The following AP3B1 variants were observed in gnomAD, a reference collection of about 807,000 sequenced individuals.
AP3B1 encodes the protein AP-3 complex subunit beta-1.
In AP3B1, 61 loss-of-function variants were observed where a neutral mutation model predicts 132.5. That is an observed-to-expected ratio of 0.46 (90% CI 0.37 to 0.57). The LOEUF is 0.57. Among genes scored for constraint, AP3B1 ranks in the 20% least tolerant of loss-of-function variants. AP3B1 has a pLI of 0.00. For missense variants in AP3B1, 1,120 were observed against 1,289.4 expected (o/e 0.87, Z 2.01); for synonymous variants, 388 against 438.3 (o/e 0.89, Z 1.43).
intron 11 of AP3B1, among the ~76,000 whole-genome samples, chr5:78,168,746 C>T (rs2112385617): frequency 6.6e-6 from 1 of 152,278 alleles, no homozygotes; most frequent in Non-Finnish European, 1.5e-5. Flanking sequence ...ATTACTTTCA[C>T]ACAATTGTCA....
intron 26 of AP3B1, among the ~76,000 whole-genome samples, chr5:78,005,009 T>C (rs1041490722): frequency 1.3e-5 from 2 of 152,196 alleles, no homozygotes; most frequent in Non-Finnish European, 2.9e-5. Flanking sequence ...GGTTTATGCA[T>C]TTCTTTTGTC....
intron 25 of AP3B1, among the ~76,000 whole-genome samples, chr5:78,019,696 T>G (rs79278934): frequency 6.6e-6 from 1 of 152,182 alleles, no homozygotes; most frequent in African/African-American, 2.4e-5. Flanking sequence ...TATTAATTTA[T>G]GGACTTGTAT....
intron 6 of AP3B1, among the ~76,000 whole-genome samples, chr5:78,221,106 G>A (rs923106965): frequency 7.2e-5 from 11 of 152,124 alleles, no homozygotes; most frequent in African/African-American, 1.9e-4. Context: ...AACATATCTC[G>A]AAATAGTTTG....
chr5:78,156,496 G>C (rs936918379), intron 13 of AP3B1, 129 bp from the exon 14 acceptor site: 1 of 722,206 alleles, frequency 1.4e-6, no homozygotes, highest in South Asian at 1.8e-5. Flanking sequence ...CTATGTGAAA[G>C]CATAACCATG....
intron 7 of AP3B1, among the ~76,000 whole-genome samples, chr5:78,185,833 G>A (rs1744582963): frequency 6.6e-6 from 1 of 152,114 alleles, no homozygotes; most frequent in South Asian, 2.1e-4. Context: ...TCAAGCCACT[G>A]TGCTCCAGCC....
At chr5:78,028,567 G>C (rs1165581324) in intron 24 of AP3B1, among the ~76,000 whole-genome samples, 1 of 152,162 alleles carries the variant, frequency 6.6e-6, no homozygotes. Context: ...ATAGTGTGGT[G>C]AGCAGACATC....
At chr5:78,280,599 T>G (rs1380361574) in intron 1 of AP3B1, among the ~76,000 whole-genome samples, 1 of 152,186 alleles carries the variant, frequency 6.6e-6, no homozygotes, top group Non-Finnish European at 1.5e-5. Context: ...TCATAAACTA[T>G]AGTAGAGGAA....
intron 14 of AP3B1, among the ~76,000 whole-genome samples, chr5:78,152,131 C>G (rs1413472392): frequency 8.4e-6 from 1 of 119,678 alleles, no homozygotes; most frequent in Non-Finnish European, 1.8e-5. Context: ...CTCCCTCTCC[C>G]TTCCCTTCCT....
chr5:78,287,472 T>A (rs895701722), intron 1 of AP3B1, among the ~76,000 whole-genome samples: 1 of 152,152 alleles, frequency 6.6e-6, no homozygotes, highest in Non-Finnish European at 1.5e-5. Context: ...TGTAGTAAAA[T>A]CTTATTTAAT....
chr5:78,024,039 G>T (rs1421288883), intron 24 of AP3B1, among the ~76,000 whole-genome samples: 1 of 152,130 alleles, frequency 6.6e-6, no homozygotes, highest in Non-Finnish European at 1.5e-5. Context: ...GAGGTGAGCG[G>T]GTTAGCTCTA....
At chr5:78,031,922 T>G (rs920995687) in intron 24 of AP3B1, among the ~76,000 whole-genome samples, 1 of 152,210 alleles carries the variant, frequency 6.6e-6, no homozygotes, top group East Asian at 1.9e-4. Context: ...CACTAAGCTG[T>G]GTGACTTCCC....
intron 1 of AP3B1, among the ~76,000 whole-genome samples, chr5:78,279,678 G>A (rs1176662447): frequency 6.6e-6 from 1 of 151,576 alleles, no homozygotes; most frequent in Admixed American, 6.6e-5. Flanking sequence ...GGATGCGGAG[G>A]CAGGAAGATC....
Position 78,110,435 on chromosome 5 carries a change from C to T in AP3B1, c.2250-81G>A, listed in dbSNP as rs1438992776. 6 of 1,046,200 alleles carry T rather than the reference C, an allele frequency of 5.7e-6. No individual in the cohort carries two copies. In the African/African-American group the frequency reaches 9.7e-5, roughly 17 times the overall value. The allele number at this position is 1,046,200 out of a possible 1,614,324, so 64.8% of individuals were successfully genotyped here. A position where few individuals can be genotyped will look rare whatever the true frequency, so the allele number is the denominator to read the frequency against. ...TTATAAAAAAATTGTTTTTAAATTCCAGAATACATTAATGAGGTAATAAAA... is the reference window on the plus strand; with the variant it reads ...TTATAAAAAAATTGTTTTTAAATTCTAGAATACATTAATGAGGTAATAAAA... On this transcript the variant is annotated intron_variant, in intron 19 of 26. Transcript: ENST00000255194.
chr5:78,242,094 CAT>C (rs1463648478), intron 2 of AP3B1, among the ~76,000 whole-genome samples: 2 of 152,220 alleles, frequency 1.3e-5, no homozygotes, highest in Non-Finnish European at 2.9e-5. Flanking sequence ...CTACTTTGCA[CAT>C]GTCAGCCCCC....
chr5:78,269,920 G>C (rs1450217838), intron 1 of AP3B1, among the ~76,000 whole-genome samples: 2 of 151,636 alleles, frequency 1.3e-5, no homozygotes, highest in Non-Finnish European at 2.9e-5. Flanking sequence ...TTGTTTGTTT[G>C]TTCTTTCTTT....
At chr5:78,202,751 TAACA>T (rs1240757920) in intron 7 of AP3B1, among the ~76,000 whole-genome samples, 2 of 152,218 alleles carry the variant, frequency 1.3e-5, no homozygotes, top group African/African-American at 4.8e-5. Context: ...TGTGTGTTAC[TAACA>T]TACATGCAAT....
At chr5:78,098,800 G>C (rs1211749511) in intron 21 of AP3B1, among the ~76,000 whole-genome samples, 6 of 152,194 alleles carry the variant, frequency 3.9e-5, no homozygotes, top group Non-Finnish European at 7.4e-5. Flanking sequence ...GAGCAACACA[G>C]AGACCCTGTC....
intron 22 of AP3B1, among the ~76,000 whole-genome samples, chr5:78,055,766 A>C (rs1748788311): frequency 6.6e-6 from 1 of 152,158 alleles, no homozygotes; most frequent in South Asian, 2.1e-4. Flanking sequence ...AACTTTTTTG[A>C]ATGTGATCTT....
intron 22 of AP3B1, among the ~76,000 whole-genome samples, chr5:78,046,343 C>A (rs766676426): frequency 6.6e-6 from 1 of 152,290 alleles, no homozygotes; most frequent in East Asian, 1.9e-4. Flanking sequence ...CTAGGCAGCA[C>A]GCCCCTTATG....
Sources: allele counts gnomAD v4.1 joint callset (sites outside exome capture counted in the v4.1 genomes callset), GRCh38; gene constraint gnomAD v4.1.1; transcripts MANE v1.5; gene names NCBI Gene and HGNC (gene_info 2026-07-23, HGNC 2026-07-21).